The following RORA variants were observed in gnomAD, a reference collection of about 807,000 sequenced individuals.
RORA encodes the protein nuclear receptor ROR-alpha.
In RORA, 7 loss-of-function variants were observed where a neutral mutation model predicts 69.5. The observed-to-expected ratio is 0.10, with a 90% CI of 0.06 to 0.19. RORA has a LOEUF of 0.19. RORA is among the 10% of genes least tolerant of loss of function. The pLI is 1.00. For missense variants in RORA, 457 were observed against 663.0 expected (o/e 0.69, Z 3.41); for synonymous variants, 261 against 240.8 (o/e 1.08, Z -0.78).
At chr15:60,882,646 C>T (rs1263747831) in intron 1 of RORA, among the ~76,000 whole-genome samples, 3 of 105,568 alleles carry the variant, frequency 2.8e-5, no homozygotes, top group African/African-American at 6.9e-5. Flanking sequence ...TACACACACA[C>T]ACACACACAC....
intron 2 of RORA, among the ~76,000 whole-genome samples, chr15:60,626,237 G>C (rs1013632619): frequency 6.6e-6 from 1 of 152,196 alleles, no homozygotes; most frequent in Non-Finnish European, 1.5e-5. Context: ...CTGTCAAACA[G>C]CTAGCTGAGC....
At chr15:60,690,362 T>A (rs2070805425) in intron 1 of RORA, among the ~76,000 whole-genome samples, 1 of 152,196 alleles carries the variant, frequency 6.6e-6, no homozygotes, top group Non-Finnish European at 1.5e-5. Context: ...ACTCTGGATA[T>A]CCTTTCTCTC....
chr15:61,023,895 C>A (rs1180564838), intron 1 of RORA, among the ~76,000 whole-genome samples: 1 of 152,132 alleles, frequency 6.6e-6, no homozygotes, highest in Non-Finnish European at 1.5e-5. Context: ...GCAGAAGTAT[C>A]CAATTTGTAT....
rs115972863 is a variant in RORA at position 60,739,568 on chromosome 15, C to T, written c.167-60882G>A. On this transcript the variant is annotated intron_variant, in intron 1 of 10. Transcript: ENST00000335670. Reference sequence around the variant, plus strand: ...GCTGGGTAACACAGCAAGACCTTGTCGCAAAAAAAAAAAAGTTTTTTTTAA... The same window carrying T: ...GCTGGGTAACACAGCAAGACCTTGTTGCAAAAAAAAAAAAGTTTTTTTTAA... 5.1e-3 allele frequency among the ~76,000 whole-genome samples: 760 copies of T among 148,064 alleles called. 10 individuals carry two copies. Among genetic ancestry groups the T allele is most frequent in the African/African-American group, 0.017 (697 of 40,394 alleles).
intron 1 of RORA, chr15:61,181,148 A>G (rs565197173): frequency 6.6e-6 from 1 of 152,100 alleles, no homozygotes; most frequent in Non-Finnish European, 1.5e-5. Context: ...CTTACAGGCC[A>G]ATAGGACTAG....
intron 1 of RORA, among the ~76,000 whole-genome samples, chr15:61,026,630 T>A (rs766268778): frequency 3.9e-5 from 6 of 152,244 alleles, no homozygotes; most frequent in Non-Finnish European, 8.8e-5. Context: ...TAAGCCACTT[T>A]GTGCCTTCAC....
At chr15:60,632,283 T>G (rs1015441966) in intron 2 of RORA, among the ~76,000 whole-genome samples, 8 of 152,064 alleles carry the variant, frequency 5.3e-5, no homozygotes, top group Non-Finnish European at 8.8e-5. Context: ...TTTTTTTCTA[T>G]TTTTAGTAGA....
rs1158181713 is a variant in RORA, at chr15:61,213,093, C to T, written c.166+15960G>A. On this transcript the variant is annotated intron_variant, in intron 1 of 10. Coordinates refer to ENST00000335670, the MANE Select transcript of RORA (RefSeq NM_134261.3). The surrounding 1 kb of genome is among the most constrained non-coding windows in gnomAD (Gnocchi z 4.1). ...CCTGGAACTTCCAACTCAGCCCATC[C>T]CAAATTGAACCCATGCCTTCTCTCC... is the stretch of plus-strand genomic sequence containing the variant. Among the ~76,000 whole-genome samples, 2 of 152,150 alleles carry T rather than the reference C, an allele frequency of 1.3e-5. No individual in the cohort carries two copies. The highest frequency in any genetic ancestry group is 2.4e-5 in the African/African-American group (1 of 41,420).
At chr15:61,072,710 T>C (rs1042500279) in intron 1 of RORA, among the ~76,000 whole-genome samples, 11 of 152,230 alleles carry the variant, frequency 7.2e-5, no homozygotes, top group African/African-American at 2.7e-4. Context: ...AACACAGCCC[T>C]ACTCCCAGAA....
chr15:60,853,728 A>G (rs1050104416), intron 1 of RORA, among the ~76,000 whole-genome samples: 1 of 152,200 alleles, frequency 6.6e-6, no homozygotes, highest in Non-Finnish European at 1.5e-5. Context: ...TAATTTGTTG[A>G]ATTTCAGGAG....
chr15:60,846,620 GCTTTTGTCACTA>G (rs2073268632), intron 1 of RORA, among the ~76,000 whole-genome samples: 1 of 152,166 alleles, frequency 6.6e-6, no homozygotes, highest in Non-Finnish European at 1.5e-5. Context: ...ACACATTAGA[GCTTTTGTCACTA>G]CATATCAAAA....
intron 2 of RORA, among the ~76,000 whole-genome samples, chr15:60,618,082 G>A (rs942011800): frequency 2.0e-5 from 3 of 152,214 alleles, no homozygotes; most frequent in Non-Finnish European, 4.4e-5. Flanking sequence ...CAGATAAGGT[G>A]TTAAACAGAT....
intron 1 of RORA, among the ~76,000 whole-genome samples, chr15:60,831,115 C>G (rs971683456): frequency 7.9e-5 from 12 of 152,206 alleles, no homozygotes; most frequent in Non-Finnish European, 1.5e-4. Flanking sequence ...ATTAAATAAG[C>G]TGTGTCTTCC....
At chr15:60,816,016 TTATA>T (rs34986836) in intron 1 of RORA, among the ~76,000 whole-genome samples, 48,340 of 130,006 alleles carry the variant, frequency 0.37, 12,336 homozygotes, top group East Asian at 0.52. Flanking sequence ...GTATAAGTAT[TTATA>T]TACTATATAT....
chr15:60,910,365 C>A (rs78646957), intron 1 of RORA, among the ~76,000 whole-genome samples: 1,765 of 152,334 alleles, frequency 0.012, 40 homozygotes, highest in African/African-American at 0.041. Context: ...ATATTAATCC[C>A]AGGCAAGTCA....
At chr15:60,817,304 A>T (rs1395543599) in intron 1 of RORA, among the ~76,000 whole-genome samples, 1 of 152,180 alleles carries the variant, frequency 6.6e-6, no homozygotes, top group Non-Finnish European at 1.5e-5. Flanking sequence ...CATTCTATTA[A>T]GTGTGCAATA....
chr15:60,519,042 T>G (rs1242089624), intron 3 of RORA, among the ~76,000 whole-genome samples: 3 of 152,222 alleles, frequency 2.0e-5, no homozygotes, highest in African/African-American at 7.2e-5. Context: ...ATTATTATTG[T>G]TGTTAATCTC....
chr15:60,786,032 T>G (rs1439248158), intron 1 of RORA, among the ~76,000 whole-genome samples: 1 of 152,238 alleles, frequency 6.6e-6, no homozygotes, highest in Non-Finnish European at 1.5e-5. Flanking sequence ...GACAAATAAC[T>G]TCACCAAAAT....
At chr15:60,938,327 C>T (rs4775328) in intron 1 of RORA, among the ~76,000 whole-genome samples, 23,602 of 152,038 alleles carry the variant, frequency 0.16, 1,953 homozygotes, top group Admixed American at 0.2. Context: ...CTATCTTCAC[C>T]CTATCATTCC....
Sources: allele counts gnomAD v4.1 joint callset (sites outside exome capture counted in the v4.1 genomes callset), GRCh38; gene constraint gnomAD v4.1.1; non-coding constraint Gnocchi (gnomAD v3.1); transcripts MANE v1.5; gene names NCBI Gene and HGNC (gene_info 2026-07-23, HGNC 2026-07-21).